Variants in ROBO1 observed in about 807,000 individuals in gnomAD.
ROBO1 encodes the protein roundabout guidance receptor 1.
ROBO1 carries 149 observed loss-of-function variants against 195.9 expected under a neutral mutation model. That is an observed-to-expected ratio of 0.76 (90% CI 0.67 to 0.87). The LOEUF (loss-of-function observed/expected upper bound fraction) is 0.87, where lower values mean the gene tolerates loss of function less well. Ranked by LOEUF, ROBO1 falls within the 40% of genes least tolerant of loss-of-function variation. The pLI is 0.00. For synonymous variants in ROBO1, 816 were observed against 733.2 expected (o/e 1.11, Z -1.82); for missense variants, 1,933 against 2,068.3 (o/e 0.93, Z 1.27).
intron 4 of ROBO1, among the ~76,000 whole-genome samples, chr3:78,869,469 A>G (rs2035408997): frequency 6.6e-6 from 1 of 152,128 alleles, no homozygotes; most frequent in South Asian, 2.1e-4. Context: ...AAGGATTCAG[A>G]TGCTTTCTAT....
chr3:79,718,419 G>T (rs960936152), intron 1 of ROBO1, among the ~76,000 whole-genome samples: 1 of 151,886 alleles, frequency 6.6e-6, no homozygotes, highest in African/African-American at 2.4e-5. Context: ...TGACTTTGGG[G>T]TTGTTAAATT....
At chr3:79,504,524 A>G (rs2107516380) in intron 2 of ROBO1, among the ~76,000 whole-genome samples, 1 of 152,316 alleles carries the variant, frequency 6.6e-6, no homozygotes, top group Admixed American at 6.5e-5. Context: ...AAAATTGGAT[A>G]GACAACTAAA....
rs1417075932 is a variant in ROBO1 at position 79,393,134 on chromosome 3, T to A, written c.88+196690A>T. ...GGCCTGCCTTCCATACTTGTCCATC[T>A]ATCATTTGGTCATAGGTAGAACTAA... On this transcript the variant is annotated intron_variant, in intron 2 of 30. Coordinates refer to ENST00000464233, the MANE Select transcript of ROBO1 (RefSeq NM_002941.4). Among the ~76,000 whole-genome samples the A allele has an allele frequency of 2.6e-5, 4 of 152,232 alleles. No homozygotes were observed. The South Asian group carries it at 6.2e-4, about 24-fold the overall frequency.
intron 4 of ROBO1, among the ~76,000 whole-genome samples, chr3:78,796,953 C>T (rs2108553456): frequency 6.6e-6 from 1 of 152,256 alleles, no homozygotes; most frequent in South Asian, 2.1e-4. Context: ...AACCTCGTCT[C>T]TCATCTTTCT....
chr3:79,514,175 G>A (rs951717084), intron 2 of ROBO1, among the ~76,000 whole-genome samples: 14 of 152,200 alleles, frequency 9.2e-5, no homozygotes, highest in African/African-American at 3.1e-4. Flanking sequence ...GCAGGTTGAA[G>A]CTGAGGACCA....
intron 2 of ROBO1, among the ~76,000 whole-genome samples, chr3:79,498,222 T>C (rs1939854229): frequency 6.6e-6 from 1 of 152,212 alleles, no homozygotes; most frequent in South Asian, 2.1e-4. Context: ...TTTTATTGTA[T>C]TATATCTGTT....
chr3:79,414,622 CAAAT>C (rs2037921690), intron 2 of ROBO1, among the ~76,000 whole-genome samples: 1 of 151,986 alleles, frequency 6.6e-6, no homozygotes. Context: ...TCATAATCAT[CAAAT>C]AAAAGCAACA....
intron 4 of ROBO1, among the ~76,000 whole-genome samples, chr3:78,876,144 ATGT>A (rs1292631430): frequency 6.6e-6 from 1 of 152,150 alleles, no homozygotes; most frequent in African/African-American, 2.4e-5. Context: ...AGGATGAATG[ATGT>A]TGTATTTTCA....
chr3:79,569,645 ATG>A (rs112113543), intron 2 of ROBO1, among the ~76,000 whole-genome samples: 45,818 of 141,822 alleles, frequency 0.32, 6,916 homozygotes, highest in African/African-American at 0.37. Flanking sequence ...ATGTATAGAT[ATG>A]TGTGTGTGTG....
chr3:79,067,058 A>C (rs1327662778), intron 3 of ROBO1, among the ~76,000 whole-genome samples: 1 of 151,956 alleles, frequency 6.6e-6, no homozygotes, highest in African/African-American at 2.4e-5. Flanking sequence ...TCTTGCTGTG[A>C]ATTACAAGTC....
At chr3:78,880,213 T>C (rs538731504) in intron 4 of ROBO1, among the ~76,000 whole-genome samples, 1 of 152,280 alleles carries the variant, frequency 6.6e-6, no homozygotes, top group South Asian at 2.1e-4. Context: ...TTAAAGACCA[T>C]GTAATTTAAT....
At chr3:78,767,766 T>C (rs749710245) in intron 4 of ROBO1, among the ~76,000 whole-genome samples, 10 of 152,212 alleles carry the variant, frequency 6.6e-5, no homozygotes, top group Non-Finnish European at 2.9e-5. Context: ...GTGTCAGTTA[T>C]AGTATCTCCT....
chr3:78,865,841 A>C (rs1325585014), intron 4 of ROBO1, among the ~76,000 whole-genome samples: 1 of 152,150 alleles, frequency 6.6e-6, no homozygotes, highest in East Asian at 1.9e-4. Flanking sequence ...TTTACAGCTC[A>C]TTAGAGTTAC....
chr3:79,649,953 A>G (rs2106738250), intron 1 of ROBO1, among the ~76,000 whole-genome samples: 1 of 152,156 alleles, frequency 6.6e-6, no homozygotes, highest in South Asian at 2.1e-4. Context: ...GAAATTTAGA[A>G]TTTTACAAGG....
intron 2 of ROBO1, among the ~76,000 whole-genome samples, chr3:79,530,292 G>A (rs991384722): frequency 6.6e-6 from 1 of 151,796 alleles, no homozygotes; most frequent in Non-Finnish European, 1.5e-5. Flanking sequence ...AATAGGTATG[G>A]CATGAGGTAC....
intron 2 of ROBO1, among the ~76,000 whole-genome samples, chr3:79,203,407 T>C (rs547312842): frequency 6.6e-6 from 1 of 152,192 alleles, no homozygotes; most frequent in Non-Finnish European, 1.5e-5. Context: ...TTATCTCTAT[T>C]AGAAATCAAA....
intron 1 of ROBO1, among the ~76,000 whole-genome samples, chr3:79,694,247 A>G (rs1429710571): frequency 6.6e-6 from 1 of 151,892 alleles, no homozygotes; most frequent in Non-Finnish European, 1.5e-5. Flanking sequence ...TTTTGACAGT[A>G]GAATGTCTAA....
At chr3:79,041,475 C>CTT (rs34678849) in intron 3 of ROBO1, among the ~76,000 whole-genome samples, 2 of 143,954 alleles carry the variant, frequency 1.4e-5, no homozygotes, top group African/African-American at 5.1e-5. Context: ...GTTGCAGAAA[C>CTT]TTTTTTTTTT....
chr3:79,217,348 A>C (rs554347110), intron 2 of ROBO1, among the ~76,000 whole-genome samples: 7 of 152,150 alleles, frequency 4.6e-5, no homozygotes, highest in African/African-American at 1.7e-4. Flanking sequence ...ATATGCCTTT[A>C]TTGTAAGACA....
Sources: gnomAD v4.1 joint callset for allele counts (sites outside exome capture counted in the v4.1 genomes callset) on GRCh38, gnomAD v4.1.1 for gene constraint, MANE v1.5 for transcripts, NCBI Gene and HGNC (gene_info 2026-07-23, HGNC 2026-07-21) for gene names.